Variants in NELL1 observed in about 807,000 individuals in gnomAD.
NELL1 encodes protein kinase C-binding protein NELL1.
A neutral mutation model predicts 107.4 loss-of-function variants in NELL1; 76 were observed. The ratio of observed to expected loss-of-function variants is 0.71; its 90% CI spans 0.59 to 0.86. The LOEUF is 0.86. Ranked by LOEUF, NELL1 falls within the 40% of genes least tolerant of loss-of-function variation. The pLI, the probability that NELL1 is intolerant of heterozygous loss-of-function variation, is 0.00. For missense variants in NELL1, 1,024 were observed against 1,005.5 expected (o/e 1.02, Z -0.25); for synonymous variants, 353 against 341.2 (o/e 1.03, Z -0.38).
intron 12 of NELL1, among the ~76,000 whole-genome samples, chr11:20,988,158 A>G (rs1851889842): frequency 6.6e-6 from 1 of 152,160 alleles, no homozygotes; most frequent in African/African-American, 2.4e-5. Flanking sequence ...CCTTAATGCA[A>G]TAAATTCCCC....
chr11:20,844,604 CCTT>C (rs1848672976), intron 3 of NELL1, among the ~76,000 whole-genome samples: 2 of 152,262 alleles, frequency 1.3e-5, no homozygotes, highest in African/African-American at 4.8e-5. Context: ...CCAGTGTCCT[CCTT>C]CTACCTGGCA....
At chr11:21,355,683 T>A (rs912544473) in intron 14 of NELL1, among the ~76,000 whole-genome samples, 8 of 152,360 alleles carry the variant, frequency 5.3e-5, no homozygotes, top group South Asian at 4.1e-4. Context: ...TACTCCTCAC[T>A]CCTAAGTTCT....
chr11:21,524,502 T>C (rs1362596037), intron 15 of NELL1, among the ~76,000 whole-genome samples: 1 of 152,104 alleles, frequency 6.6e-6, no homozygotes, highest in African/African-American at 2.4e-5. Flanking sequence ...CTTGGTGGAA[T>C]TAAGATTTGT....
intron 9 of NELL1, among the ~76,000 whole-genome samples, chr11:20,931,167 G>A (rs530445596): frequency 7.2e-5 from 11 of 152,050 alleles, no homozygotes; most frequent in Non-Finnish European, 1.6e-4. Flanking sequence ...GGAACTGTAA[G>A]TGCACTAACA....
intron 15 of NELL1, among the ~76,000 whole-genome samples, chr11:21,374,569 G>A (rs1851426845): frequency 6.6e-6 from 1 of 152,044 alleles, no homozygotes; most frequent in Admixed American, 6.6e-5. Flanking sequence ...ACTCACTCTA[G>A]CCCACACTCA....
At chr11:20,794,797 C>T (rs1206397094) in intron 3 of NELL1, among the ~76,000 whole-genome samples, 6 of 152,040 alleles carry the variant, frequency 3.9e-5, no homozygotes, top group African/African-American at 1.2e-4. Flanking sequence ...ACCCCCAGTT[C>T]GGTGATTAAA....
rs575836052 is a variant in NELL1, at chr11:20,988,960, C to T, written c.1300+28400C>T. ...GGACATATCTGAGTTCTCCTCTTGA[C>T]TCCTCCACTAGCTAACTATTTGATG... On this transcript the variant is annotated intron_variant, in intron 12 of 19. Coordinates refer to ENST00000357134, the MANE Select transcript of NELL1 (RefSeq NM_006157.5). Among the ~76,000 whole-genome samples, 84 of 152,198 alleles carry T rather than the reference C, an allele frequency of 5.5e-4. No homozygotes were observed. The South Asian group carries it at 0.016, about 29-fold the overall frequency.
At chr11:21,479,521 G>C (rs943931935) in intron 15 of NELL1, among the ~76,000 whole-genome samples, 14 of 152,098 alleles carry the variant, frequency 9.2e-5, no homozygotes, top group Non-Finnish European at 5.9e-5. Flanking sequence ...AAAGTAGAAG[G>C]ATGGTTACCA....
intron 12 of NELL1, among the ~76,000 whole-genome samples, chr11:21,073,481 T>C (rs1031398256): frequency 6.6e-6 from 1 of 152,200 alleles, no homozygotes; most frequent in Non-Finnish European, 1.5e-5. Context: ...AGTTGAGTCC[T>C]TGTGTAATGG....
intron 3 of NELL1, among the ~76,000 whole-genome samples, chr11:20,829,146 A>T (rs1857949100): frequency 6.6e-6 from 1 of 151,966 alleles, no homozygotes; most frequent in African/African-American, 2.4e-5. Context: ...TCTCTCACCC[A>T]GTTTCCTCTA....
chr11:21,430,787 A>T (rs372297607), intron 15 of NELL1, among the ~76,000 whole-genome samples: 1 of 152,148 alleles, frequency 6.6e-6, no homozygotes, highest in Admixed American at 6.6e-5. Flanking sequence ...TAACTCCAGG[A>T]GTATGTTTGT....
At chr11:21,106,941 C>G (rs7124660) in intron 12 of NELL1, among the ~76,000 whole-genome samples, 5,548 of 152,118 alleles carry the variant, frequency 0.036, 355 homozygotes, top group African/African-American at 0.13. Context: ...ACTTTCTCAT[C>G]TGAAAAAGGG....
At chr11:20,810,748 G>A (rs544494387) in intron 3 of NELL1, among the ~76,000 whole-genome samples, 1 of 152,136 alleles carries the variant, frequency 6.6e-6, no homozygotes, top group South Asian at 2.1e-4. Context: ...TGGGATTGCT[G>A]GATCAAATGG....
intron 16 of NELL1, among the ~76,000 whole-genome samples, chr11:21,555,292 A>G (rs1005254901): frequency 6.6e-6 from 1 of 151,942 alleles, no homozygotes; most frequent in African/African-American, 2.4e-5. Context: ...GAAATAATCA[A>G]TAACAATATT....
At position 20,783,781 on chromosome 11, in the gene NELL1, A is replaced by G. The variant is rs759861262; in HGVS notation, c.286A>G (p.Lys96Glu). The change falls in exon 3 of 20, where the codon AAG (lysine) becomes GAG (glutamate). Residue 96 changes from lysine (K) to glutamate (E), a missense_variant. Physicochemically the swap from Lys to Glu is moderately conservative, Grantham distance 56. Transcript: ENST00000357134. ...CACCATTTTGGCCACTGTACAGCAGAAGCCATCCACTTCAGGAGTGATACT... is the reference window on the plus strand; with the variant it reads ...CACCATTTTGGCCACTGTACAGCAGGAGCCATCCACTTCAGGAGTGATACT... ...EFTILATVQQ[K>E]PSTSGVILSI... is the part of the protein sequence containing the mutation. 1 of 1,613,930 alleles carries G rather than the reference A, an allele frequency of 6.2e-7. No individual in the cohort carries two copies. The highest frequency in any genetic ancestry group is 1.1e-5 in the South Asian group (1 of 91,070).
intron 2 of NELL1, among the ~76,000 whole-genome samples, chr11:20,686,451 A>G (rs1051301643): frequency 1.1e-4 from 17 of 152,154 alleles, no homozygotes; most frequent in African/African-American, 3.9e-4. Context: ...ACAGAATTTA[A>G]TTGAGCAAAG....
Position 21,570,811 on chromosome 11 carries a change from A to C in NELL1, c.2028A>C (p.Pro676=), listed in dbSNP as rs763260626. ...GGACAGCTTGTGATTGCCAGAATCC[A>C]AGTGCTGACCTATTCTGTTGCCCAG... ...CRRTACDCQN[P]SADLFCCPEC... Residue 676 remains proline, a synonymous_variant, in exon 18 of 20, where the codon CCA becomes CCC. Transcript: ENST00000357134. 1 of 1,611,724 alleles carries C rather than the reference A, an allele frequency of 6.2e-7. No homozygotes were observed. The highest frequency in any genetic ancestry group is 1.1e-5 in the South Asian group (1 of 90,952).
intron 12 of NELL1, 88 bp downstream of exon 12, chr11:20,960,648 A>G: frequency 3.4e-6 from 5 of 1,464,596 alleles, no homozygotes; most frequent in Non-Finnish European, 3.8e-6. Context: ...GAAAACTATC[A>G]CTTGGCTGTG....
intron 15 of NELL1, among the ~76,000 whole-genome samples, chr11:21,497,991 C>G (rs113987552): frequency 6.6e-6 from 1 of 151,778 alleles, no homozygotes; most frequent in Non-Finnish European, 1.5e-5. Context: ...CTTTGCATTC[C>G]CTGATACATT....
Sources: allele counts gnomAD v4.1 joint callset (sites outside exome capture counted in the v4.1 genomes callset), GRCh38; gene constraint gnomAD v4.1.1; transcripts MANE v1.5; gene names NCBI Gene and HGNC (gene_info 2026-07-23, HGNC 2026-07-21).